USP34: variants seen among roughly 807,000 people sequenced by gnomAD.
USP34 encodes the protein ubiquitin carboxyl-terminal hydrolase 34.
In USP34, 70 loss-of-function variants were observed where a neutral mutation model predicts 460.3. The ratio of observed to expected loss-of-function variants is 0.15; its 90% confidence interval spans 0.13 to 0.19. The LOEUF (loss-of-function observed/expected upper bound fraction) is 0.19. Among genes scored for constraint, USP34 ranks in the 10% least tolerant of loss-of-function variants. USP34 has a pLI of 1.00. For synonymous variants in USP34, 1,647 were observed against 1,405.3 expected, an observed-to-expected ratio of 1.17 and a Z score of -3.85; for missense variants, 3,985 against 4,236.2, an observed-to-expected ratio of 0.94 and a Z score of 1.65.
At chr2:61,288,985 C>T in intron 33 of USP34, 108 bp from the exon 34 acceptor site, 1 of 1,116,594 alleles carries the variant, frequency 9.0e-7, no homozygotes, top group Non-Finnish European at 1.3e-6. Flanking sequence ...ATAGCTAGTA[C>T]TTAATCATGT....
rs555969646 is a variant in USP34 at position 61,217,309 on chromosome 2, C to G, written c.8048-2615G>C. ...AAAAACATTAAGTCTACTTCCATGTCTATATGGCAACTCTAAGACACTAAT... is the reference window on the plus strand; with the variant it reads ...AAAAACATTAAGTCTACTTCCATGTGTATATGGCAACTCTAAGACACTAAT... On this transcript the variant is annotated intron_variant, in intron 67 of 79. Coordinates refer to ENST00000398571, the MANE Select transcript of USP34 (RefSeq NM_014709.4). Among the ~76,000 whole-genome samples, 6 of 152,312 alleles carry G rather than the reference C, an allele frequency of 3.9e-5. No individual in the cohort carries two copies. In the South Asian group the frequency reaches 1.2e-3, roughly 32 times the overall value.
In USP34 at chr2:61,348,346, C is replaced by A; in HGVS notation, c.1809G>T (p.Gly603=). 1 of 1,614,152 alleles carries A rather than the reference C, an allele frequency of 6.2e-7. No individual in the cohort carries two copies. The highest frequency in any genetic ancestry group is 2.2e-5 in the East Asian group (1 of 44,872). ...VNSSHASQSA[G]SPGSEVQSED... ...CTGACTGTACCTCACTGCCAGGGCT[C>A]CCAGCTGACTGGCTTGCGTGGCTAG... Residue 603 remains glycine (G), a synonymous_variant, in exon 15 of 80, where the codon GGG becomes GGT. Transcript: ENST00000398571.
At chr2:61,199,536 G>T (rs944387787) in intron 75 of USP34, among the ~76,000 whole-genome samples, 9 of 152,174 alleles carry the variant, frequency 5.9e-5, no homozygotes, top group Admixed American at 1.3e-4. Context: ...GATTATAGGC[G>T]CAAGCCACTG....
rs544363156 is a variant in USP34 at position 61,286,747 on chromosome 2, G to A, written c.4750-1790C>T. Among the ~76,000 whole-genome samples, 4 of 152,234 alleles carry A rather than the reference G, an allele frequency of 2.6e-5. No homozygotes were observed. In the East Asian group the frequency reaches 7.7e-4, roughly 29 times the overall value. The stretch of plus-strand genomic sequence containing the variant: ...ATTAAGAGTAGTCACCTATGACTAG[G>A]GAAAAAGTTCGCTTGTGTATTATGA... On this transcript the variant is annotated intron_variant, in intron 34 of 79. Transcript: ENST00000398571.
intron 8 of USP34, among the ~76,000 whole-genome samples, chr2:61,375,565 C>A (rs1304112828): frequency 6.6e-6 from 1 of 151,890 alleles, no homozygotes. Context: ...GTCAGGAGAT[C>A]GAGTCCATCC....
intron 34 of USP34, 71 bp downstream of exon 34, chr2:61,288,606 G>T: frequency 6.8e-7 from 1 of 1,478,126 alleles, no homozygotes; most frequent in Non-Finnish European, 9.4e-7. Context: ...CATTTCTTAA[G>T]CATTAGCATA....
At chr2:61,207,085 T>G (rs1687141241) in intron 70 of USP34, 199 bp from the exon 71 acceptor site, 1 of 511,930 alleles carries the variant, frequency 2.0e-6, no homozygotes, top group Non-Finnish European at 3.4e-6. Context: ...CCTTCAGAGC[T>G]CTGCTATTTT....
intron 8 of USP34, among the ~76,000 whole-genome samples, chr2:61,371,340 T>G (rs1219755392): frequency 6.6e-6 from 1 of 152,086 alleles, no homozygotes; most frequent in Non-Finnish European, 1.5e-5. Context: ...CTGGTTTATG[T>G]ATTTATTATA....
Position 61,214,070 on chromosome 2 carries a change from T to C in USP34, c.8672A>G (p.Gln2891Arg). The C allele has an allele frequency of 6.2e-7, 1 of 1,614,210 alleles. No individual in the cohort carries two copies. The highest frequency in any genetic ancestry group is 8.5e-7 in the Non-Finnish European group (1 of 1,180,026). ...ATCAATTTTACTCACTCCAGGGTAT[T>C]GGCTGGCATGTGGTGTAAGATTCTT... Reference protein sequence around the residue: ...AFKNLTPHASQYPGAVEELFN... With the variant: ...AFKNLTPHASRYPGAVEELFN... The change falls in exon 68 of 80, where the codon CAA becomes CGA. Residue 2891 changes from glutamine to arginine, a missense_variant. Coordinates refer to ENST00000398571, the MANE Select transcript of USP34 (RefSeq NM_014709.4).
At chr2:61,414,947 CTT>C (rs1253020042) in intron 2 of USP34, among the ~76,000 whole-genome samples, 1 of 152,136 alleles carries the variant, frequency 6.6e-6, no homozygotes, top group Non-Finnish European at 1.5e-5. Flanking sequence ...CAGATGAAGA[CTT>C]GGACTGCCAC....
At chr2:61,223,610 A>C in intron 62 of USP34, 1 of 230,156 alleles carries the variant, frequency 4.3e-6, no homozygotes. Flanking sequence ...TTCAAAACCA[A>C]ATGGACTTCT....
Position 61,196,628 on chromosome 2 carries a change from C to G in USP34, c.9509-3648G>C, listed in dbSNP as rs1393257885. On this transcript the variant is annotated intron_variant, in intron 75 of 79. Coordinates refer to ENST00000398571, the MANE Select transcript of USP34 (RefSeq NM_014709.4). ...TCACTGCAGCCTCGACTTTCCCAGG[C>G]TCAGATGATTCTCCCACCTCAGCCT... Among the ~76,000 whole-genome samples, 24 of 151,932 alleles carry G rather than the reference C, an allele frequency of 1.6e-4. 1 individual carries two copies. Among genetic ancestry groups the G allele is most frequent in the Admixed American group, 1.5e-3 (23 of 15,256 alleles).
rs916546249 is a variant in USP34, at chr2:61,454,789, T to C, written c.43+15861A>G. Among the ~76,000 whole-genome samples, 12 of 151,126 alleles carry C rather than the reference T, an allele frequency of 7.9e-5. No homozygotes were observed. In the South Asian group the frequency reaches 2.5e-3, roughly 31 times the overall value. Reference sequence around the variant, plus strand: ...GTCTCGAACTCCTGACCTCACGTGATCCGCCCGCCTAGGCCTCCCAAAGTG... The same window carrying C: ...GTCTCGAACTCCTGACCTCACGTGACCCGCCCGCCTAGGCCTCCCAAAGTG... On this transcript the variant is annotated intron_variant, in intron 1 of 79. Transcript: ENST00000398571.
At chr2:61,349,397 TG>T in intron 12 of USP34, 112 bp from the exon 13 acceptor site, 1 of 1,093,452 alleles carries the variant, frequency 9.1e-7, no homozygotes, top group South Asian at 1.5e-5. Context: ...TGGAGAAACC[TG>T]CAATAAGGTT....
intron 70 of USP34, chr2:61,207,827 T>C (rs533336530): frequency 1.5e-4 from 23 of 152,330 alleles, no homozygotes; most frequent in African/African-American, 4.8e-4. Context: ...TCAGTGCTTA[T>C]TGTCATTTAT....
chr2:61,288,862 G>A lies in USP34; in HGVS notation c.4564C>T (p.Leu1522Phe), dbSNP rs770527484. ...ESWTVWQLDC[L>F]ACLLKLICQF... Reference sequence around the variant, plus strand: ...CATATTAACTTCAGCAAGCAAGCAAGACAGTCTAGCTGCCACTGTAAATGA... The same window carrying A: ...CATATTAACTTCAGCAAGCAAGCAAAACAGTCTAGCTGCCACTGTAAATGA... The change falls in exon 34 of 80, where the codon CTT becomes TTT. Residue 1522 changes from leucine to phenylalanine, a missense_variant. Transcript: ENST00000398571. 6.2e-7 allele frequency: 1 copy of A among 1,612,860 alleles called. No homozygotes were observed. The highest frequency in any genetic ancestry group is 8.5e-7 in the Non-Finnish European group (1 of 1,179,890).
At chr2:61,239,298 TGTCACACACACACACACA>T (rs1688173424) in intron 53 of USP34, among the ~76,000 whole-genome samples, 1 of 97,166 alleles carries the variant, frequency 1.0e-5, no homozygotes, top group Non-Finnish European at 2.0e-5. Context: ...ATGAGGGCCC[TGTCACACACACACACACA>T]CACACACACA....
intron 53 of USP34, among the ~76,000 whole-genome samples, chr2:61,239,329 C>G (rs1275504319): frequency 6.6e-6 from 1 of 151,394 alleles, no homozygotes; most frequent in African/African-American, 2.4e-5. Flanking sequence ...CACACACACA[C>G]ACACACACAC....
intron 21 of USP34, among the ~76,000 whole-genome samples, chr2:61,323,429 G>A (rs543728443): frequency 2.0e-5 from 3 of 151,738 alleles, no homozygotes; most frequent in South Asian, 4.2e-4. Context: ...GCAAGAGAAT[G>A]GCGTGAACCT....
Sources: allele counts gnomAD v4.1 joint callset (sites outside exome capture counted in the v4.1 genomes callset), GRCh38; gene constraint gnomAD v4.1.1; transcripts MANE v1.5; gene names NCBI Gene and HGNC (gene_info 2026-07-23, HGNC 2026-07-21).